Variants in INSR observed in about 807,000 individuals in gnomAD.
INSR encodes the protein IR.
Under a neutral mutation model 142.6 loss-of-function variants are expected in INSR, and 67 were observed. The ratio of observed to expected loss-of-function variants is 0.47; its 90% CI spans 0.39 to 0.58. The LOEUF is 0.58. Among genes scored for constraint, INSR ranks in the 20% least tolerant of loss-of-function variants. INSR has a pLI of 0.00. For missense variants in INSR, 1,248 were observed against 1,833.2 expected (o/e 0.68, Z 5.83); for synonymous variants, 756 against 743.1 (o/e 1.02, Z -0.28).
intron 2 of INSR, among the ~76,000 whole-genome samples, chr19:7,201,964 A>G (rs1974973010): frequency 6.6e-6 from 1 of 152,016 alleles, no homozygotes; most frequent in Non-Finnish European, 1.5e-5. Flanking sequence ...CTAGGCCTTC[A>G]TTCTTAATTT....
intron 2 of INSR, among the ~76,000 whole-genome samples, chr19:7,194,276 G>C (rs111330761): frequency 0.12 from 17,492 of 151,944 alleles, 1,166 homozygotes; most frequent in African/African-American, 0.18. Flanking sequence ...AATTAGCTGG[G>C]CGTGGTGGTA....
At position 7,223,766 on chromosome 19, in the gene INSR, G is replaced by A. The variant is rs192297537; in HGVS notation, c.653-39129C>T. On this transcript the variant is annotated intron_variant, in intron 2 of 21. Coordinates refer to ENST00000302850, the MANE Select transcript of INSR (RefSeq NM_000208.4). Reference sequence around the variant, plus strand: ...ATCCTAGCTCTGTGAAAAGATTGTTGTGAGGACCATGTGCCTGGGAGACAA... The same window carrying A: ...ATCCTAGCTCTGTGAAAAGATTGTTATGAGGACCATGTGCCTGGGAGACAA... Among the ~76,000 whole-genome samples the A allele has an allele frequency of 2.5e-4, 38 of 152,242 alleles. 1 individual carries two copies. The highest frequency in any genetic ancestry group is 8.9e-4 in the African/African-American group (37 of 41,544).
intron 2 of INSR, among the ~76,000 whole-genome samples, chr19:7,241,331 G>A (rs903874179): frequency 7.2e-5 from 11 of 151,750 alleles, no homozygotes; most frequent in South Asian, 2.1e-4. Context: ...AGAACATGCC[G>A]CCACCCCCGG....
At chr19:7,243,736 A>G (rs1004038301) in intron 2 of INSR, among the ~76,000 whole-genome samples, 4 of 152,220 alleles carry the variant, frequency 2.6e-5, no homozygotes, top group Admixed American at 1.3e-4. Flanking sequence ...TCATGAACAC[A>G]GATGGCAAGA....
At chr19:7,194,362 A>G (rs1974680690) in intron 2 of INSR, among the ~76,000 whole-genome samples, 1 of 152,054 alleles carries the variant, frequency 6.6e-6, no homozygotes, top group South Asian at 2.1e-4. Context: ...CGTTGCAGTC[A>G]GCCAAGATCG....
intron 19 of INSR, among the ~76,000 whole-genome samples, chr19:7,121,674 C>T (rs1379743316): frequency 2.0e-5 from 3 of 151,572 alleles, no homozygotes; most frequent in Non-Finnish European, 4.4e-5. Context: ...CACTATGTTG[C>T]CCAGGCTGGT....
intron 1 of INSR, among the ~76,000 whole-genome samples, chr19:7,282,524 A>G (rs1471347649): frequency 6.6e-6 from 1 of 150,576 alleles, no homozygotes; most frequent in Non-Finnish European, 1.5e-5. Context: ...CTCTACTAAA[A>G]TGCAAAAATT....
chr19:7,184,644 A>G lies in INSR; in HGVS notation c.653-7T>C, dbSNP rs8113351. On this transcript the variant is annotated splice_polypyrimidine_tract_variant and splice_region_variant and intron_variant, in intron 2 of 21. Coordinates refer to ENST00000302850, the MANE Select transcript of INSR (RefSeq NM_000208.4). Reference sequence around the variant, plus strand: ...TTACAGATGGTCGGGCAAACTGGAGAGAGAGAGAGAGAGAGAGGGAAATAA... The same window carrying G: ...TTACAGATGGTCGGGCAAACTGGAGGGAGAGAGAGAGAGAGAGGGAAATAA... 130 of 1,332,056 alleles carry G rather than the reference A, an allele frequency of 9.8e-5. No homozygotes were observed. The African/African-American group carries it at 1.7e-3, about 18-fold the overall frequency. 82.5% of individuals were successfully genotyped at this position (1,332,056 alleles called of 1,614,324 possible).
At chr19:7,187,430 T>C (rs1974459827) in intron 2 of INSR, among the ~76,000 whole-genome samples, 1 of 152,126 alleles carries the variant, frequency 6.6e-6, no homozygotes, top group Non-Finnish European at 1.5e-5. Context: ...GGGCTCCAAT[T>C]TTTACCAAGG....
intron 11 of INSR, 132 bp from the exon 12 acceptor site, chr19:7,143,222 G>T: frequency 1.0e-6 from 1 of 972,246 alleles, no homozygotes; most frequent in Non-Finnish European, 1.6e-6. Context: ...GGGGAACATG[G>T]ATTACAATAC....
Position 7,226,299 on chromosome 19 carries a change from A to T in INSR, c.652+41046T>A, listed in dbSNP as rs1975777836. On this transcript the variant is annotated intron_variant, in intron 2 of 21. Coordinates refer to ENST00000302850, the MANE Select transcript of INSR (RefSeq NM_000208.4). ...GTGGCGTGTGCCTGTAGTCCCAGCT[A>T]CTCAGGAGGCTGAGGCAGGAGAATG... Among the ~76,000 whole-genome samples, 3 of 151,416 alleles carry T rather than the reference A, an allele frequency of 2.0e-5. No individual in the cohort carries two copies. In the South Asian group the frequency reaches 6.2e-4, roughly 32 times the overall value.
chr19:7,263,135 G>A lies in INSR; in HGVS notation c.652+4210C>T, dbSNP rs545860433. On this transcript the variant is annotated intron_variant, in intron 2 of 21. Coordinates refer to ENST00000302850, the MANE Select transcript of INSR (RefSeq NM_000208.4). Reference sequence around the variant, plus strand: ...TGTCCTGAAAATACAAAACTTAGCCGGGCATGGTGGCTGGTGCCTATAAGT... The same window carrying A: ...TGTCCTGAAAATACAAAACTTAGCCAGGCATGGTGGCTGGTGCCTATAAGT... Among the ~76,000 whole-genome samples the A allele has an allele frequency of 4.6e-5, 7 of 152,144 alleles. No individual in the cohort carries two copies. The East Asian group carries it at 1.2e-3, about 25-fold the overall frequency.
intron 2 of INSR, among the ~76,000 whole-genome samples, chr19:7,252,257 A>C (rs1164031636): frequency 1.3e-5 from 2 of 152,080 alleles, no homozygotes; most frequent in East Asian, 3.8e-4. Context: ...TAAAAATACA[A>C]AAAAAGTAGC....
At chr19:7,153,410 T>TA (rs2144898939) in intron 9 of INSR, among the ~76,000 whole-genome samples, 1 of 21,962 alleles carries the variant, frequency 4.6e-5, no homozygotes. Flanking sequence ...ACATACACAC[T>TA]TCACACACAC....
chr19:7,152,593 AG>A (rs2144890439), intron 10 of INSR, 132 bp downstream of exon 10: 6 of 799,088 alleles, frequency 7.5e-6, no homozygotes, highest in South Asian at 1.3e-5. Flanking sequence ...CACCCAGGAA[AG>A]GGCTCCATTC....
intron 9 of INSR, among the ~76,000 whole-genome samples, chr19:7,157,264 C>T (rs1973618880): frequency 6.6e-6 from 1 of 151,988 alleles, no homozygotes; most frequent in Non-Finnish European, 1.5e-5. Flanking sequence ...TAGGCTTGAG[C>T]CACTGCGCCT....
Position 7,225,275 on chromosome 19 carries a change from G to C in INSR, c.653-40638C>G, listed in dbSNP as rs1306522714. Among the ~76,000 whole-genome samples, 1 of 152,116 alleles carries C rather than the reference G, an allele frequency of 6.6e-6. No individual in the cohort carries two copies. Among genetic ancestry groups the C allele is most frequent in the Non-Finnish European group, 1.5e-5 (1 of 68,016 alleles). Reference sequence around the variant, plus strand: ...CACTTGCTCCATCAATGTTACTGTGGGCCAGTTGCCGTTATAGGTGTAAGA... The same window carrying C: ...CACTTGCTCCATCAATGTTACTGTGCGCCAGTTGCCGTTATAGGTGTAAGA... On this transcript the variant is annotated intron_variant, in intron 2 of 21. Transcript: ENST00000302850. This position sits in a 1 kb window ranked among gnomAD's most constrained non-coding sequence, Gnocchi z 4.7.
At chr19:7,284,421 G>GTAGAA in intron 1 of INSR, among the ~76,000 whole-genome samples, 1 of 152,142 alleles carries the variant, frequency 6.6e-6, no homozygotes, top group East Asian at 1.9e-4. Context: ...GAAGAGTAGA[G>GTAGAA]AGCAGGGCTT....
intron 2 of INSR, among the ~76,000 whole-genome samples, chr19:7,255,961 A>G (rs10419421): frequency 0.2 from 29,706 of 151,892 alleles, 3,236 homozygotes; most frequent in Non-Finnish European, 0.25. Context: ...CTCCTCTTTT[A>G]CAAAGGCCAA....
Sources: allele counts gnomAD v4.1 joint callset (sites outside exome capture counted in the v4.1 genomes callset), GRCh38; gene constraint gnomAD v4.1.1; non-coding constraint Gnocchi (gnomAD v3.1); transcripts MANE v1.5; gene names NCBI Gene and HGNC (gene_info 2026-07-23, HGNC 2026-07-21).